The following NMNAT2 variants were observed in gnomAD, a reference collection of about 807,000 sequenced individuals.
The protein encoded by NMNAT2 is nicotinamide/nicotinic acid mononucleotide adenylyltransferase 2.
NMNAT2 carries 11 observed loss-of-function variants against 41.6 expected under a neutral mutation model. The ratio of observed to expected loss-of-function variants is 0.26; its 90% CI spans 0.17 to 0.44. NMNAT2 has a LOEUF of 0.44. Among genes scored for constraint, NMNAT2 ranks in the 20% least tolerant of loss-of-function variants. The pLI, the probability that NMNAT2 is intolerant of heterozygous loss-of-function variation, is 1.00. For missense variants in NMNAT2, 288 were observed against 407.7 expected, an observed-to-expected ratio of 0.71 and a Z score of 2.53; for synonymous variants, 148 against 151.2, an observed-to-expected ratio of 0.98 and a Z score of 0.16.
chr1:183,302,690 C>T (rs921118335), intron 1 of NMNAT2, among the ~76,000 whole-genome samples: 1 of 152,158 alleles, frequency 6.6e-6, no homozygotes, highest in Non-Finnish European at 1.5e-5. Context: ...GGCTAGGTAC[C>T]GAACAACTAG....
intron 8 of NMNAT2, among the ~76,000 whole-genome samples, chr1:183,274,148 A>T (rs1661064819): frequency 6.6e-6 from 1 of 151,196 alleles, no homozygotes; most frequent in African/African-American, 2.4e-5. Context: ...CCTGACCTCA[A>T]GTGATCCACC....
intron 1 of NMNAT2, among the ~76,000 whole-genome samples, chr1:183,351,920 T>C (rs752267347): frequency 2.6e-5 from 4 of 152,174 alleles, no homozygotes; most frequent in Non-Finnish European, 5.9e-5. Context: ...TGTGAGGACA[T>C]AACTGTAAAT....
intron 7 of NMNAT2, chr1:183,282,825 A>C (rs1212277853): frequency 6.6e-6 from 1 of 152,202 alleles, no homozygotes; most frequent in East Asian, 1.9e-4. Context: ...GCTGGTCAAT[A>C]AAGGATATTA....
At chr1:183,310,489 T>A (rs1243787349) in intron 1 of NMNAT2, among the ~76,000 whole-genome samples, 1 of 152,156 alleles carries the variant, frequency 6.6e-6, no homozygotes, top group Non-Finnish European at 1.5e-5. Flanking sequence ...CTCTCATGTC[T>A]CCAGTGATTT....
At chr1:183,277,757 C>T (rs1481276842) in intron 8 of NMNAT2, among the ~76,000 whole-genome samples, 1 of 152,076 alleles carries the variant, frequency 6.6e-6, no homozygotes, top group African/African-American at 2.4e-5. Context: ...CTGTAGATAA[C>T]ATTCTATAGA....
chr1:183,344,270 G>A (rs1662879454), intron 1 of NMNAT2, among the ~76,000 whole-genome samples: 2 of 152,174 alleles, frequency 1.3e-5, no homozygotes, highest in Non-Finnish European at 2.9e-5. Flanking sequence ...CATTATAGAT[G>A]AGGAAACCGA....
Position 183,252,693 on chromosome 1 carries a change from G to A in NMNAT2, c.872C>T (p.Pro291Leu), listed in dbSNP as rs759737274. The A allele has an allele frequency of 1.9e-6, 3 of 1,613,982 alleles. No individual in the cohort carries two copies. Among genetic ancestry groups the A allele is most frequent in the Admixed American group, 1.7e-5 (1 of 60,008 alleles). The change falls in exon 11 of 11, where the codon CCG becomes CTG. Residue 291 changes from proline to leucine, a missense_variant. Physicochemically the swap from Pro to Leu is moderately conservative, Grantham distance 98. Transcript: ENST00000287713. ...DGHVVDYLSQ[P>L]VIDYILKSQL... ...GCTTTTGAGGATGTAGTCGATGACC[G>A]GCTGGGACAGGTAATCCACAACATG...
chr1:183,381,527 C>T (rs1396066900), intron 1 of NMNAT2, among the ~76,000 whole-genome samples: 1 of 152,128 alleles, frequency 6.6e-6, no homozygotes, highest in African/African-American at 2.4e-5. Flanking sequence ...GAAATCCTAT[C>T]TCTACTGAAG....
chr1:183,368,120 A>T (rs1366239291), intron 1 of NMNAT2, among the ~76,000 whole-genome samples: 1 of 152,236 alleles, frequency 6.6e-6, no homozygotes, highest in African/African-American at 2.4e-5. Context: ...AAATTTAGGA[A>T]TTAATATTTA....
intron 8 of NMNAT2, among the ~76,000 whole-genome samples, chr1:183,270,709 T>C (rs866522339): frequency 5.3e-5 from 8 of 152,128 alleles, no homozygotes; most frequent in Admixed American, 6.5e-5. Context: ...AATCCCCCAT[T>C]GGCAGGAGCT....
At chr1:183,330,746 T>C (rs953274) in intron 1 of NMNAT2, among the ~76,000 whole-genome samples, 68,099 of 152,076 alleles carry the variant, frequency 0.45, 16,266 homozygotes, top group East Asian at 0.78. Context: ...ATTTCTTTTG[T>C]CAACCTGCAT....
chr1:183,367,444 G>A (rs890161644), intron 1 of NMNAT2, among the ~76,000 whole-genome samples: 2 of 152,064 alleles, frequency 1.3e-5, no homozygotes, highest in East Asian at 1.9e-4. Context: ...GGCAACAAGC[G>A]CAAAACTCTG....
intron 1 of NMNAT2, among the ~76,000 whole-genome samples, chr1:183,330,666 A>G (rs544630027): frequency 6.6e-6 from 1 of 152,344 alleles, no homozygotes; most frequent in Admixed American, 6.5e-5. Flanking sequence ...TCAACCCGCT[A>G]CAAATGTTAA....
At chr1:183,402,192 C>G (rs186288660) in intron 1 of NMNAT2, among the ~76,000 whole-genome samples, 2 of 152,260 alleles carry the variant, frequency 1.3e-5, no homozygotes, top group East Asian at 1.9e-4. Flanking sequence ...TCTTAAATGA[C>G]TAGGAGAGAC....
intron 1 of NMNAT2, among the ~76,000 whole-genome samples, chr1:183,340,648 C>T (rs1444741079): frequency 2.0e-5 from 3 of 152,158 alleles, no homozygotes; most frequent in Non-Finnish European, 4.4e-5. Context: ...TTCCGATGGA[C>T]AGCAGACTGG....
intron 1 of NMNAT2, among the ~76,000 whole-genome samples, chr1:183,385,834 G>A (rs932507402): frequency 6.6e-5 from 10 of 152,224 alleles, no homozygotes; most frequent in Non-Finnish European, 5.9e-5. Context: ...ATGAGGAAAT[G>A]TGACCCTTAT....
At chr1:183,290,304 C>T in intron 3 of NMNAT2, 98 bp from the exon 4 acceptor site, 1 of 916,034 alleles carries the variant, frequency 1.1e-6, no homozygotes, top group Non-Finnish European at 1.7e-6. Flanking sequence ...CATGGCAGAT[C>T]TGGCCATACC....
intron 1 of NMNAT2, among the ~76,000 whole-genome samples, chr1:183,299,731 G>A (rs1661799683): frequency 6.6e-6 from 1 of 152,092 alleles, no homozygotes; most frequent in Non-Finnish European, 1.5e-5. Flanking sequence ...CAGGGAAAGG[G>A]GTGGGTATGA....
At chr1:183,416,580 T>A (rs1216687274) in intron 1 of NMNAT2, among the ~76,000 whole-genome samples, 2 of 152,200 alleles carry the variant, frequency 1.3e-5, no homozygotes, top group Non-Finnish European at 2.9e-5. Flanking sequence ...AAGTCCTTAT[T>A]TAACAGGCAA....
Sources: allele counts gnomAD v4.1 joint callset (sites outside exome capture counted in the v4.1 genomes callset), GRCh38; gene constraint gnomAD v4.1.1; transcripts MANE v1.5; gene names NCBI Gene and HGNC (gene_info 2026-07-23, HGNC 2026-07-21).